HIVEP3: variants seen among roughly 807,000 people sequenced by gnomAD.
HIVEP3 encodes the protein transcription factor HIVEP3.
HIVEP3 carries 49 observed loss-of-function variants against 152.8 expected under a neutral mutation model. That is an observed-to-expected ratio of 0.32 (90% CI 0.26 to 0.41). The LOEUF is 0.41. HIVEP3 is among the 10% of genes least tolerant of loss of function. The probability of loss-of-function intolerance (pLI) is 1.00; values close to 1 mark genes in which losing one functional copy is unlikely to be tolerated. For synonymous variants in HIVEP3, 1,269 were observed against 1,289.0 expected (o/e 0.98, Z 0.33); for missense variants, 2,790 against 3,103.3 (o/e 0.90, Z 2.40).
intron 2 of HIVEP3, among the ~76,000 whole-genome samples, chr1:41,654,245 A>G (rs1212854442): frequency 6.6e-6 from 1 of 152,242 alleles, no homozygotes; most frequent in East Asian, 1.9e-4. Context: ...ACGTGGGGGC[A>G]GTCCCTGGGG....
Position 41,582,618 on chromosome 1 carries a change from G to A in HIVEP3, c.2180C>T (p.Pro727Leu). ...KEKSLGDEEE[P>L]PAFESTKSQF... ...ACTTTTTGTGGACTCAAAGGCAGGT[G>A]GCTCTTCCTCGTCCCCAAGGCTCTT... Residue 727 changes from proline (P) to leucine (L), a missense_variant, in exon 4 of 9, where the codon CCA becomes CTA. Transcript: ENST00000372583. This position sits in a 1 kb window ranked among gnomAD's most constrained non-coding sequence, Gnocchi z 4.7. 1.2e-6 allele frequency: 2 copies of A among 1,613,570 alleles called. No individual in the cohort carries two copies. Among genetic ancestry groups the A allele is most frequent in the Non-Finnish European group, 8.5e-7 (1 of 1,179,772 alleles).
Position 41,946,282 on chromosome 1 carries a change from A to G in HIVEP3, n.120-27758T>C, listed in dbSNP as rs571731837. Among the ~76,000 whole-genome samples the G allele has an allele frequency of 7.9e-5, 12 of 152,314 alleles. No individual in the cohort carries two copies. The South Asian group carries it at 2.5e-3, about 32-fold the overall frequency. On this transcript the variant is annotated intron_variant and non_coding_transcript_variant, in intron 1 of 3. Coordinates refer to the HIVEP3 transcript ENST00000489103. ...CTCTGAGTCAGAAGCCACTAACCTG[A>G]TGATCCAGCAGCAGGACTGAGGGTG...
chr1:41,611,823 C>T lies in HIVEP3; in HGVS notation c.-522+16926G>A, dbSNP rs111669200. 6.6e-4 allele frequency among the ~76,000 whole-genome samples: 101 copies of T among 152,296 alleles called. 1 individual carries two copies. Among genetic ancestry groups the T allele is most frequent in the Middle Eastern group, 6.8e-3 (2 of 294 alleles). ...TATGGTATTCACTAGAGTTGGGTTT[C>T]GGGGACCTTTCCCGCCCTGACATTC... On this transcript the variant is annotated intron_variant, in intron 3 of 8. Coordinates refer to ENST00000372583, the MANE Select transcript of HIVEP3 (RefSeq NM_024503.5).
chr1:41,751,173 C>T (rs1008509090), intron 1 of HIVEP3, among the ~76,000 whole-genome samples: 5 of 152,044 alleles, frequency 3.3e-5, no homozygotes, highest in African/African-American at 1.2e-4. Context: ...TCAGCAACAC[C>T]CTCCCTGCCC....
At position 41,615,815 on chromosome 1, in the gene HIVEP3, C is replaced by CTTTTT. The variant is rs747478470; in HGVS notation, c.-522+12929_-522+12933dup. 1.0e-3 allele frequency among the ~76,000 whole-genome samples: 49 copies of CTTTTT among 47,026 alleles called. 3 individuals are homozygous for CTTTTT. The highest frequency in any genetic ancestry group is 8.5e-4 in the East Asian group (1 of 1,172). The allele number at this position is 47,026 out of a possible 152,430, so 30.9% of individuals were successfully genotyped here. A position where few individuals can be genotyped will look rare whatever the true frequency, so the allele number is the denominator to read the frequency against. On this transcript the variant is annotated intron_variant, in intron 3 of 8. Coordinates refer to ENST00000372583, the MANE Select transcript of HIVEP3 (RefSeq NM_024503.5). ...AGGGCTTCCACTGTATTTGACAAGT[C>CTTTTT]TTTTTTTTTTTTTTTTTTTTTTTTT...
chr1:41,723,039 A>C (rs1197246987), intron 1 of HIVEP3, among the ~76,000 whole-genome samples: 3 of 152,186 alleles, frequency 2.0e-5, no homozygotes, highest in Non-Finnish European at 4.4e-5. Flanking sequence ...ATTTAACCCC[A>C]GAGGCCATGG....
intron 1 of HIVEP3, among the ~76,000 whole-genome samples, chr1:41,886,011 G>A (rs1644340570): frequency 1.3e-5 from 2 of 152,276 alleles, no homozygotes; most frequent in Admixed American, 6.5e-5. Flanking sequence ...CTGCCAGCAT[G>A]GACCCCTTTC....
chr1:41,659,223 CA>C (rs1389121250), intron 2 of HIVEP3, among the ~76,000 whole-genome samples: 1 of 152,170 alleles, frequency 6.6e-6, no homozygotes, highest in Non-Finnish European at 1.5e-5. Flanking sequence ...CAAAGCTTTG[CA>C]AGGCTGTCAC....
chr1:41,901,128 G>A (rs566463756), intron 1 of HIVEP3, among the ~76,000 whole-genome samples: 20 of 152,154 alleles, frequency 1.3e-4, no homozygotes, highest in African/African-American at 4.3e-4. Context: ...TGTAACAGGT[G>A]GTGGAGAGGA....
At chr1:41,530,524 A>G (rs1052169839) in intron 5 of HIVEP3, among the ~76,000 whole-genome samples, 14 of 152,222 alleles carry the variant, frequency 9.2e-5, no homozygotes, top group Non-Finnish European at 5.9e-5. Flanking sequence ...GAGTGAGGAC[A>G]GCTTGGTCTC....
chr1:41,583,213 G>A lies in HIVEP3; in HGVS notation c.1585C>T (p.Pro529Ser), dbSNP rs757305104. ...AGAGGCACAGGGGGGGCGGTACTGG[G>A]CGGGTGCTGGAGGCTCAGCAGTGAT... ...EQSLLSLQHP[P>S]STAPPVPLLR... The change falls in exon 4 of 9, where the codon CCC (proline) becomes TCC (serine). Residue 529 changes from proline (P) to serine (S), a missense_variant. Pro to Ser is a moderately conservative substitution (Grantham distance 74). Coordinates refer to ENST00000372583, the MANE Select transcript of HIVEP3 (RefSeq NM_024503.5). This position sits in a 1 kb window ranked among gnomAD's most constrained non-coding sequence, Gnocchi z 6.9. 6.6e-5 allele frequency: 107 copies of A among 1,611,430 alleles called. No homozygotes were observed. The South Asian group carries it at 1.1e-3, about 17-fold the overall frequency.
intron 2 of HIVEP3, among the ~76,000 whole-genome samples, chr1:41,631,357 T>C (rs148945828): frequency 7.7e-4 from 118 of 152,300 alleles, no homozygotes; most frequent in African/African-American, 2.4e-3. Context: ...CGTACTTTAA[T>C]GAGTCCGTAC....
At chr1:41,787,050 C>A (rs969298054) in intron 1 of HIVEP3, among the ~76,000 whole-genome samples, 1 of 151,970 alleles carries the variant, frequency 6.6e-6, no homozygotes, top group South Asian at 2.1e-4. Context: ...CCACACCCGG[C>A]CTACATATGT....
chr1:41,946,144 T>C (rs910044231), intron 1 of HIVEP3, among the ~76,000 whole-genome samples: 10 of 152,150 alleles, frequency 6.6e-5, no homozygotes, highest in African/African-American at 1.7e-4. Flanking sequence ...TCCAGTGCAG[T>C]CTACAAGGAC....
At chr1:41,694,827 C>T (rs761878670) in intron 2 of HIVEP3, among the ~76,000 whole-genome samples, 4 of 152,200 alleles carry the variant, frequency 2.6e-5, no homozygotes, top group Non-Finnish European at 5.9e-5. Flanking sequence ...TCACTAGTCT[C>T]ATTTTGCAAA....
chr1:41,548,945 A>T (rs1643866883), intron 5 of HIVEP3, among the ~76,000 whole-genome samples: 1 of 152,152 alleles, frequency 6.6e-6, no homozygotes, highest in Admixed American at 6.5e-5. Flanking sequence ...ATAAGTATAC[A>T]TGTGCCATGC....
At chr1:41,668,882 G>A (rs1645833618) in intron 2 of HIVEP3, among the ~76,000 whole-genome samples, 1 of 152,148 alleles carries the variant, frequency 6.6e-6, no homozygotes, top group Admixed American at 6.5e-5. Flanking sequence ...GAGAGCTCTG[G>A]GGTCAATGCT....
intron 1 of HIVEP3, among the ~76,000 whole-genome samples, chr1:41,983,688 G>A (rs1048907417): frequency 2.0e-5 from 3 of 152,046 alleles, no homozygotes; most frequent in African/African-American, 7.2e-5. Flanking sequence ...GGATGGGATG[G>A]GATGTCAGAG....
intron 1 of HIVEP3, among the ~76,000 whole-genome samples, chr1:41,837,467 C>T (rs1251296221): frequency 6.6e-6 from 1 of 152,132 alleles, no homozygotes; most frequent in African/African-American, 2.4e-5. Context: ...GCTGGGATTA[C>T]AGGCATGCAC....
Sources: allele counts gnomAD v4.1 joint callset (sites outside exome capture counted in the v4.1 genomes callset), GRCh38; gene constraint gnomAD v4.1.1; non-coding constraint Gnocchi (gnomAD v3.1); transcripts MANE v1.5; gene names NCBI Gene and HGNC (gene_info 2026-07-23, HGNC 2026-07-21).